The following ATP8B3 variants were observed in gnomAD, a reference collection of about 807,000 sequenced individuals.
ATP8B3 encodes phospholipid-transporting ATPase IK.
In ATP8B3, 141 loss-of-function variants were observed where a neutral mutation model predicts 140.9. The ratio of observed to expected loss-of-function variants is 1.00; its 90% confidence interval spans 0.87 to 1.15. The LOEUF is 1.15. Ranked by LOEUF, ATP8B3 falls within the 50% of genes most tolerant of loss-of-function variation. The probability of loss-of-function intolerance (pLI) is 0.00; values close to 1 mark genes in which losing one functional copy is unlikely to be tolerated. For missense variants in ATP8B3, 1,874 were observed against 1,740.6 expected, an observed-to-expected ratio of 1.08 and a Z score of -1.36; for synonymous variants, 765 against 714.6, an observed-to-expected ratio of 1.07 and a Z score of -1.13.
In ATP8B3 at chr19:1,789,351, C is replaced by T. The variant is rs1568622971; in HGVS notation, c.2845+10G>A. On this transcript the variant is annotated intron_variant, in intron 23 of 28. Transcript: ENST00000310127. ...TCCCAGGCACCCCCAGCCCCGCCGC[C>T]GCCACCCACTCTTGATCATGTTGAT... 2 of 1,511,120 alleles carry T rather than the reference C, an allele frequency of 1.3e-6. No homozygotes were observed. The highest frequency in any genetic ancestry group is 1.2e-5 in the South Asian group (1 of 81,162). The allele number at this position is 1,511,120 out of a possible 1,614,324, so 93.6% of individuals were successfully genotyped here. A position where few individuals can be genotyped will look rare whatever the true frequency, so the allele number is the denominator to read the frequency against.
rs974999730 is a variant in ATP8B3 at position 1,809,840 on chromosome 19, G to C, written c.311-106C>G. 22 of 974,478 alleles carry C rather than the reference G, an allele frequency of 2.3e-5. No homozygotes were observed. In the African/African-American group the frequency reaches 3.4e-4, roughly 15 times the overall value. 60.4% of individuals were successfully genotyped at this position (974,478 alleles called of 1,614,324 possible). ...GGGGCCCGTGGGACCCAGGCACTGG[G>C]GAGGCCCGAGATGTCAGAGCCCGTA... On this transcript the variant is annotated intron_variant, in intron 3 of 28. Transcript: ENST00000310127.
intron 25 of ATP8B3, among the ~76,000 whole-genome samples, chr19:1,785,997 G>A (rs1165937870): frequency 6.6e-6 from 1 of 152,026 alleles, no homozygotes; most frequent in East Asian, 1.9e-4. Context: ...GCTGGGTGTG[G>A]TGGTGCGCAC....
At chr19:1,808,471 C>G in intron 4 of ATP8B3, 136 bp from the exon 5 acceptor site, 2 of 630,934 alleles carry the variant, frequency 3.2e-6, no homozygotes, top group Non-Finnish European at 5.9e-6. Flanking sequence ...ATTCATTAAG[C>G]ATCTACTGAG....
chr19:1,796,410 G>A, intron 16 of ATP8B3, 145 bp from the exon 17 acceptor site: 2 of 841,612 alleles, frequency 2.4e-6, no homozygotes, highest in Non-Finnish European at 3.6e-6. Context: ...ATGCATGGAG[G>A]TGAGCACTTG....
At chr19:1,791,062 G>A (rs757375019) in intron 20 of ATP8B3, among the ~76,000 whole-genome samples, 3 of 152,228 alleles carry the variant, frequency 2.0e-5, no homozygotes, top group Non-Finnish European at 1.5e-5. Flanking sequence ...CCAGAGATGT[G>A]TCTGAGGCCA....
Position 1,806,174 on chromosome 19 carries a change from G to A in ATP8B3, c.678-5C>T, listed in dbSNP as rs375593408. 52 of 1,584,612 alleles carry A rather than the reference G, an allele frequency of 3.3e-5. 1 individual carries two copies. The highest frequency in any genetic ancestry group is 1.1e-4 in the African/African-American group (8 of 74,138). On this transcript the variant is annotated splice_region_variant and splice_polypyrimidine_tract_variant and intron_variant, in intron 7 of 28. Transcript: ENST00000310127. This position sits in a 1 kb window ranked among gnomAD's most constrained non-coding sequence, Gnocchi z 5.6. ...TGCCATTTCTTCTGCTTGAAGCTGCGGGGAGAGGGGGTTGTGAAGGAGGCC... is the reference window on the plus strand; with the variant it reads ...TGCCATTTCTTCTGCTTGAAGCTGCAGGGAGAGGGGGTTGTGAAGGAGGCC...
chr19:1,788,754 C>G, intron 24 of ATP8B3, 143 bp downstream of exon 24: 1 of 768,356 alleles, frequency 1.3e-6, no homozygotes, highest in Admixed American at 2.7e-5. Flanking sequence ...ACTAACGCAG[C>G]CTTGCCATGT....
chr19:1,805,700 A>G lies in ATP8B3; in HGVS notation c.821+188T>C, dbSNP rs1013737699. On this transcript the variant is annotated intron_variant, in intron 9 of 28. Transcript: ENST00000310127. This position sits in a 1 kb window ranked among gnomAD's most constrained non-coding sequence, Gnocchi z 5.2. ...CTGCCCGTATGCACACAATGGAAACAATGGGGAGGGTGGGCGTCTTCCTCC... is the reference window on the plus strand; with the variant it reads ...CTGCCCGTATGCACACAATGGAAACGATGGGGAGGGTGGGCGTCTTCCTCC... 6.6e-6 allele frequency among the ~76,000 whole-genome samples: 1 copy of G among 152,004 alleles called. No individual in the cohort carries two copies. The highest frequency in any genetic ancestry group is 2.4e-5 in the African/African-American group (1 of 41,430).
rs116586018 is a variant in ATP8B3 at position 1,783,215 on chromosome 19, G to C, written c.3716C>G (p.Pro1239Arg). 6.2e-7 allele frequency: 1 copy of C among 1,612,394 alleles called. No homozygotes were observed. The highest frequency in any genetic ancestry group is 2.2e-5 in the East Asian group (1 of 44,826). ...GGCACGAGACTCCCGGTGTACATGA[G>C]GCAAGGGCTCCATGGTGAAAATCTC... Reference protein sequence around the residue: ...SEEIFTMEPLPHVHRESRARR... With the variant: ...SEEIFTMEPLRHVHRESRARR... The change falls in exon 29 of 29, where the codon CCT (proline) becomes CGT (arginine). Residue 1239 changes from proline (P) to arginine (R), a missense_variant. By Grantham distance (103) the Pro-to-Arg change is moderately radical. Coordinates refer to ENST00000310127, the MANE Select transcript of ATP8B3 (RefSeq NM_138813.4).
chr19:1,800,406 C>G lies in ATP8B3; in HGVS notation c.1196G>C (p.Gly399Ala), dbSNP rs760679279. ...GAATTCTTTGACTGAGAAACCGAAGCCGAAGGCCAACACCAGGCAGACAAG... is the reference window on the plus strand; with the variant it reads ...GAATTCTTTGACTGAGAAACCGAAGGCGAAGGCCAACACCAGGCAGACAAG... ...VVLVCLVLAF[G>A]FGFSVKEFKD... The change falls in exon 13 of 29, where the codon GGC becomes GCC. Residue 399 changes from glycine to alanine, a missense_variant. Physicochemically the swap from Gly to Ala is moderately conservative, Grantham distance 60. Coordinates refer to ENST00000310127, the MANE Select transcript of ATP8B3 (RefSeq NM_138813.4). This position sits in a 1 kb window ranked among gnomAD's most constrained non-coding sequence, Gnocchi z 4.4. 1.9e-6 allele frequency: 3 copies of G among 1,612,646 alleles called. No homozygotes were observed. The highest frequency in any genetic ancestry group is 2.5e-6 in the Non-Finnish European group (3 of 1,179,816).
chr19:1,804,542 A>G, intron 10 of ATP8B3, among the ~76,000 whole-genome samples: 1 of 151,982 alleles, frequency 6.6e-6, no homozygotes, highest in Non-Finnish European at 1.5e-5. Flanking sequence ...CAGGAGGCGG[A>G]GCTTGCAGTG....
At position 1,800,060 on chromosome 19, in the gene ATP8B3, G is replaced by C; in HGVS notation, c.1439C>G (p.Thr480Ser). ...PQDVPAKARS[T>S]SLNDHLGQVE... ...CTGGCCCAGGTGGTCGTTGAGGCTGGTGCTGCGGGCCTTGGCAGGCACGTC... is the reference window on the plus strand; with the variant it reads ...CTGGCCCAGGTGGTCGTTGAGGCTGCTGCTGCGGGCCTTGGCAGGCACGTC... Residue 480 changes from threonine to serine, a missense_variant, in exon 14 of 29, where the codon ACC becomes AGC. By Grantham distance (58) the Thr-to-Ser change is moderately conservative (BLOSUM62 1). Coordinates refer to ENST00000310127, the MANE Select transcript of ATP8B3 (RefSeq NM_138813.4). The surrounding 1 kb of genome is among the most constrained non-coding windows in gnomAD (Gnocchi z 4.4). 8.2e-6 allele frequency: 13 copies of C among 1,593,830 alleles called. No homozygotes were observed. The highest frequency in any genetic ancestry group is 1.1e-5 in the Non-Finnish European group (13 of 1,170,276).
At position 1,802,476 on chromosome 19, in the gene ATP8B3, A is replaced by G. The variant is rs546358816; in HGVS notation, c.1063+11T>C. The G allele has an allele frequency of 5.9e-6, 8 of 1,359,726 alleles. No homozygotes were observed. The highest frequency in any genetic ancestry group is 2.1e-4 in the Middle Eastern group (1 of 4,834). 84.2% of individuals were successfully genotyped at this position (1,359,726 alleles called of 1,614,324 possible). Reference sequence around the variant, plus strand: ...TACAGCTCCCACTCCAGGACCCTGGAGCAGCCGTACCAGCATAAATGACCA... The same window carrying G: ...TACAGCTCCCACTCCAGGACCCTGGGGCAGCCGTACCAGCATAAATGACCA... On this transcript the variant is annotated intron_variant, in intron 11 of 28. Transcript: ENST00000310127.
intron 25 of ATP8B3, 58 bp downstream of exon 25, chr19:1,787,045 G>A: frequency 1.4e-6 from 2 of 1,460,868 alleles, no homozygotes; most frequent in Non-Finnish European, 1.9e-6. Context: ...AGGAGCGGAG[G>A]AGAGGAGGAG....
intron 25 of ATP8B3, among the ~76,000 whole-genome samples, chr19:1,786,573 A>G (rs1256244636): frequency 6.6e-6 from 1 of 152,114 alleles, no homozygotes; most frequent in Non-Finnish European, 1.5e-5. Context: ...CTCAAAAAAA[A>G]AAAAAAAAAG....
chr19:1,785,674 T>C lies in ATP8B3; in HGVS notation c.3188A>G (p.Glu1063Gly), dbSNP rs750607055. 20 of 1,523,428 alleles carry C rather than the reference T, an allele frequency of 1.3e-5. No homozygotes were observed. Among genetic ancestry groups the C allele is most frequent in the Non-Finnish European group, 8.9e-7 (1 of 1,124,590 alleles). 94.4% of individuals were successfully genotyped at this position (1,523,428 alleles called of 1,614,324 possible). A position where few individuals can be genotyped will look rare whatever the true frequency, so the allele number is the denominator to read the frequency against. Residue 1063 changes from glutamate to glycine, a missense_variant, in exon 26 of 29, where the codon GAG becomes GGG. Transcript: ENST00000310127. ...VSAEQSLEKP[E>G]LYVVGQKDEL... ...GTCCTTCTGCCCCACCACGTACAGC[T>C]CCGGCTTCTCCAGGCTCTGCTCTGC...
rs922558301 is a variant in ATP8B3 at position 1,799,707 on chromosome 19, T to C, written c.1552+240A>G. Reference sequence around the variant, plus strand: ...TGAACCTGGGAGGTGGAGATTGCAGTGAGCCAAGATTGCACCACTGCATTC... The same window carrying C: ...TGAACCTGGGAGGTGGAGATTGCAGCGAGCCAAGATTGCACCACTGCATTC... On this transcript the variant is annotated intron_variant, in intron 14 of 28. Transcript: ENST00000310127. 7 of 583,888 alleles carry C rather than the reference T, an allele frequency of 1.2e-5. No individual in the cohort carries two copies. In the Admixed American group the frequency reaches 2.2e-4, roughly 18 times the overall value. The allele number at this position is 583,888 out of a possible 1,614,324, so 36.2% of individuals were successfully genotyped here. A position where few individuals can be genotyped will look rare whatever the true frequency, so the allele number is the denominator to read the frequency against.
In ATP8B3 at chr19:1,800,550, T is replaced by C; in HGVS notation, c.1153-101A>G. ...AAGATAAGGCTGGGGCTGGGCACAG[T>C]GGCTCATGCCTGTAATCTCAGCACT... On this transcript the variant is annotated intron_variant, in intron 12 of 28. Transcript: ENST00000310127. This position sits in a 1 kb window ranked among gnomAD's most constrained non-coding sequence, Gnocchi z 4.4. 1 of 1,095,010 alleles carries C rather than the reference T, an allele frequency of 9.1e-7. No individual in the cohort carries two copies. The highest frequency in any genetic ancestry group is 1.3e-6 in the Non-Finnish European group (1 of 757,108). The allele number at this position is 1,095,010 out of a possible 1,614,324, so 67.8% of individuals were successfully genotyped here.
At chr19:1,790,643 TC>T in intron 21 of ATP8B3, 113 bp downstream of exon 21, 10 of 134,854 alleles carry the variant, frequency 7.4e-5, no homozygotes, top group Non-Finnish European at 6.8e-5. Flanking sequence ...CCCCTCTCAA[TC>T]CCCCCCTTCC....
Sources: allele counts gnomAD v4.1 joint callset (sites outside exome capture counted in the v4.1 genomes callset), GRCh38; gene constraint gnomAD v4.1.1; non-coding constraint Gnocchi (gnomAD v3.1); transcripts MANE v1.5; gene names NCBI Gene and HGNC (gene_info 2026-07-23, HGNC 2026-07-21).